Variants in EPHA5 observed in about 807,000 individuals in gnomAD.
EPHA5 encodes ephrin type-A receptor 5.
EPHA5 carries 60 observed loss-of-function variants against 105.0 expected under a neutral mutation model. The observed-to-expected ratio is 0.57, with a 90% confidence interval of 0.46 to 0.71. The LOEUF (loss-of-function observed/expected upper bound fraction) is 0.71. Among genes scored for constraint, EPHA5 ranks in the 30% least tolerant of loss-of-function variants. EPHA5 has a pLI of 0.00. For synonymous variants in EPHA5, 513 were observed against 449.1 expected, an observed-to-expected ratio of 1.14 and a Z score of -1.80; for missense variants, 1,218 against 1,274.7, an observed-to-expected ratio of 0.96 and a Z score of 0.68.
intron 16 of EPHA5, chr4:65,330,909 T>C (rs990056195): frequency 5.8e-6 from 6 of 1,038,542 alleles, no homozygotes; most frequent in Admixed American, 1.1e-4. Flanking sequence ...GTTATCGGTA[T>C]GAAGGAAGAG....
At chr4:65,503,920 C>CACAA (rs1553927995) in intron 3 of EPHA5, among the ~76,000 whole-genome samples, 1 of 150,918 alleles carries the variant, frequency 6.6e-6, no homozygotes, top group Non-Finnish European at 1.5e-5. Flanking sequence ...CACACACACA[C>CACAA]ACACACACAC....
chr4:65,465,823 T>A (rs1231771013), intron 5 of EPHA5, among the ~76,000 whole-genome samples: 4 of 152,312 alleles, frequency 2.6e-5, no homozygotes, highest in South Asian at 4.1e-4. Flanking sequence ...AAATACCCAT[T>A]TGTAAAATGA....
intron 3 of EPHA5, among the ~76,000 whole-genome samples, chr4:65,581,353 T>A (rs983759497): frequency 6.6e-6 from 1 of 151,772 alleles, no homozygotes; most frequent in Non-Finnish European, 1.5e-5. Context: ...AATCTGTCTT[T>A]TGTTACAAGG....
chr4:65,635,081 A>T (rs901323395), intron 2 of EPHA5, among the ~76,000 whole-genome samples: 1 of 152,118 alleles, frequency 6.6e-6, no homozygotes, highest in Non-Finnish European at 1.5e-5. Flanking sequence ...AAACACTAAC[A>T]ATGTATTCAC....
intron 8 of EPHA5, among the ~76,000 whole-genome samples, chr4:65,389,547 C>A (rs913648977): frequency 1.3e-5 from 2 of 151,894 alleles, no homozygotes; most frequent in Admixed American, 1.3e-4. Context: ...ATAATCAAAG[C>A]TACATGACTT....
At chr4:65,527,320 A>G (rs1289313774) in intron 3 of EPHA5, among the ~76,000 whole-genome samples, 1 of 152,152 alleles carries the variant, frequency 6.6e-6, no homozygotes, top group Non-Finnish European at 1.5e-5. Flanking sequence ...ACGATGAAAA[A>G]TAATGCTGAC....
At chr4:65,329,809 C>A (rs1720418515) in intron 16 of EPHA5, among the ~76,000 whole-genome samples, 1 of 137,452 alleles carries the variant, frequency 7.3e-6, no homozygotes, top group Non-Finnish European at 1.6e-5. Context: ...CAATGACTGA[C>A]TTTTTTTTTT....
intron 11 of EPHA5, 135 bp downstream of exon 11, chr4:65,364,881 CT>C: frequency 1.6e-6 from 1 of 615,038 alleles, no homozygotes; most frequent in African/African-American, 1.9e-5. Context: ...CAAAAATCTA[CT>C]AAAATACAGG....
chr4:65,643,510 T>A, intron 1 of EPHA5, 83 bp from the exon 2 acceptor site: 5 of 1,154,098 alleles, frequency 4.3e-6, no homozygotes, highest in Non-Finnish European at 6.4e-6. Context: ...TTATTAAAAT[T>A]GCATGTTGTT....
At chr4:65,332,610 T>TG (rs1720736896) in intron 15 of EPHA5, among the ~76,000 whole-genome samples, 1 of 66,454 alleles carries the variant, frequency 1.5e-5, no homozygotes, top group African/African-American at 5.8e-5. Context: ...ATGCTGGTAA[T>TG]GGGGTGGTGG....
At chr4:65,508,095 C>T (rs1000014614) in intron 3 of EPHA5, among the ~76,000 whole-genome samples, 10 of 151,980 alleles carry the variant, frequency 6.6e-5, no homozygotes, top group Non-Finnish European at 1.3e-4. Flanking sequence ...TTCCTTAGTA[C>T]ATGGGCTTTT....
intron 3 of EPHA5, among the ~76,000 whole-genome samples, chr4:65,567,771 A>C (rs1739705177): frequency 6.6e-6 from 1 of 151,562 alleles, no homozygotes; most frequent in African/African-American, 2.4e-5. Context: ...AATATGTATC[A>C]GTGGATCTTT....
At chr4:65,647,632 C>T (rs528141804) in intron 1 of EPHA5, among the ~76,000 whole-genome samples, 1 of 152,190 alleles carries the variant, frequency 6.6e-6, no homozygotes, top group South Asian at 2.1e-4. Flanking sequence ...GCCACAGTTA[C>T]TCTAGAAGAC....
chr4:65,417,380 A>G lies in EPHA5; in HGVS notation c.1528-2937T>C, dbSNP rs1418559530. 4.6e-5 allele frequency among the ~76,000 whole-genome samples: 7 copies of G among 152,130 alleles called. No homozygotes were observed. In the East Asian group the frequency reaches 1.4e-3, roughly 29 times the overall value. ...TACATGGTATAAAAACTCATAATCC[A>G]TTTTTTTTATAAATGAAAGTCTTTA... On this transcript the variant is annotated intron_variant, in intron 6 of 16. Coordinates refer to ENST00000613740, the MANE Select transcript of EPHA5 (RefSeq NM_001281766.3).
At chr4:65,435,489 G>A (rs913448139) in intron 5 of EPHA5, among the ~76,000 whole-genome samples, 2 of 152,042 alleles carry the variant, frequency 1.3e-5, no homozygotes, top group Admixed American at 1.3e-4. Context: ...GATTCTCATA[G>A]CCACAAGGAC....
intron 15 of EPHA5, among the ~76,000 whole-genome samples, chr4:65,333,853 C>G (rs1199752884): frequency 6.6e-6 from 1 of 151,538 alleles, no homozygotes; most frequent in African/African-American, 2.4e-5. Flanking sequence ...GACCACACTC[C>G]TCATCTCCAC....
intron 2 of EPHA5, among the ~76,000 whole-genome samples, chr4:65,616,139 T>A (rs1298500498): frequency 6.6e-6 from 1 of 151,908 alleles, no homozygotes; most frequent in Non-Finnish European, 1.5e-5. Flanking sequence ...AAGAAGGAAC[T>A]GATGAATCTC....
chr4:65,431,905 T>A (rs928346215), intron 5 of EPHA5, among the ~76,000 whole-genome samples: 4 of 151,696 alleles, frequency 2.6e-5, no homozygotes, highest in Admixed American at 2.6e-4. Flanking sequence ...AAAAAAAAGA[T>A]CCAATCCATC....
chr4:65,377,007 CT>C, intron 8 of EPHA5: 32 of 1,608,004 alleles, frequency 2.0e-5, no homozygotes, highest in Non-Finnish European at 2.7e-5. Flanking sequence ...CCATATTAGG[CT>C]TGGATGGGCA....
Sources: gnomAD v4.1 joint callset for allele counts (sites outside exome capture counted in the v4.1 genomes callset) on GRCh38, gnomAD v4.1.1 for gene constraint, MANE v1.5 for transcripts, NCBI Gene and HGNC (gene_info 2026-07-23, HGNC 2026-07-21) for gene names.